Variants in RORA observed in about 807,000 individuals in gnomAD.
The protein encoded by RORA is RAR related orphan receptor A.
A neutral mutation model predicts 69.5 loss-of-function variants in RORA; 7 were observed. The ratio of observed to expected loss-of-function variants is 0.10; its 90% CI spans 0.06 to 0.19. RORA has a LOEUF of 0.19. RORA is among the 10% of genes least tolerant of loss of function. The probability of loss-of-function intolerance (pLI) is 1.00; values close to 1 mark genes in which losing one functional copy is unlikely to be tolerated. For missense variants in RORA, 457 were observed against 663.0 expected, an observed-to-expected ratio of 0.69 and a Z score of 3.41; for synonymous variants, 261 against 240.8, an observed-to-expected ratio of 1.08 and a Z score of -0.78.
chr15:60,596,413 G>C (rs2068667077), intron 2 of RORA, among the ~76,000 whole-genome samples: 1 of 152,024 alleles, frequency 6.6e-6, no homozygotes, highest in South Asian at 2.1e-4. Flanking sequence ...TGATTCAATG[G>C]AATCCTTAGC....
chr15:60,743,820 A>G (rs1251456817), intron 1 of RORA, among the ~76,000 whole-genome samples: 1 of 152,188 alleles, frequency 6.6e-6, no homozygotes, highest in East Asian at 1.9e-4. Context: ...GGAAAAAGTG[A>G]TTTACAGCTT....
intron 1 of RORA, among the ~76,000 whole-genome samples, chr15:60,815,682 C>T (rs1311102014): frequency 2.0e-5 from 3 of 151,556 alleles, no homozygotes; most frequent in African/African-American, 7.3e-5. Context: ...TTACTTCCAC[C>T]GGCTCCCCTT....
chr15:61,035,984 A>G (rs1462062845), intron 1 of RORA, among the ~76,000 whole-genome samples: 1 of 152,220 alleles, frequency 6.6e-6, no homozygotes, highest in Non-Finnish European at 1.5e-5. Flanking sequence ...TGCTGCAGTC[A>G]GTGGAATGAG....
chr15:60,705,996 G>C (rs941244562), intron 1 of RORA, among the ~76,000 whole-genome samples: 2 of 152,162 alleles, frequency 1.3e-5, no homozygotes, highest in African/African-American at 4.8e-5. Flanking sequence ...GGCACCATCA[G>C]CATGTCTCAG....
intron 1 of RORA, among the ~76,000 whole-genome samples, chr15:60,742,232 A>G (rs1337780412): frequency 2.6e-5 from 4 of 152,312 alleles, no homozygotes; most frequent in South Asian, 4.1e-4. Flanking sequence ...AAAAGTGAAA[A>G]TAACTTCAAT....
At chr15:60,794,343 A>G (rs895276860) in intron 1 of RORA, among the ~76,000 whole-genome samples, 3 of 152,170 alleles carry the variant, frequency 2.0e-5, no homozygotes, top group African/African-American at 7.2e-5. Context: ...TCCATGTTTA[A>G]TCTTCCTTTT....
intron 2 of RORA, among the ~76,000 whole-genome samples, chr15:60,566,006 G>T (rs2067702776): frequency 6.6e-6 from 1 of 152,158 alleles, no homozygotes. Flanking sequence ...TAATAACAGA[G>T]ACCTATAATT....
At chr15:60,873,265 GTGTGTGTGTGT>G (rs2073578464) in intron 1 of RORA, among the ~76,000 whole-genome samples, 1 of 150,564 alleles carries the variant, frequency 6.6e-6, no homozygotes, top group Non-Finnish European at 1.5e-5. Flanking sequence ...GTGTGTGTCT[GTGTGTGTGTGT>G]CTGTGTGTGT....
chr15:61,153,546 G>C (rs565016373), intron 1 of RORA, among the ~76,000 whole-genome samples: 2 of 152,194 alleles, frequency 1.3e-5, no homozygotes, highest in Admixed American at 1.3e-4. Context: ...TCTGATGGCT[G>C]TTAACGGGCT....
chr15:60,995,663 T>A (rs1215583708), intron 1 of RORA, among the ~76,000 whole-genome samples: 1 of 152,210 alleles, frequency 6.6e-6, no homozygotes, highest in East Asian at 1.9e-4. Context: ...CCTTTTCAAA[T>A]CACTGCATTG....
At chr15:61,211,097 A>G (rs890723632) in intron 1 of RORA, among the ~76,000 whole-genome samples, 3 of 152,144 alleles carry the variant, frequency 2.0e-5, no homozygotes, top group Non-Finnish European at 4.4e-5. Flanking sequence ...GTTTTTCTTC[A>G]GGGCTCAATT....
chr15:60,551,202 T>C (rs911005567), intron 2 of RORA, among the ~76,000 whole-genome samples: 5 of 152,076 alleles, frequency 3.3e-5, no homozygotes, highest in Non-Finnish European at 7.4e-5. Flanking sequence ...CTGGTGAGAG[T>C]GAGTAACGTC....
chr15:60,546,947 T>G (rs562717284), intron 2 of RORA, among the ~76,000 whole-genome samples: 76 of 152,300 alleles, frequency 5.0e-4, no homozygotes, highest in Non-Finnish European at 9.4e-4. Flanking sequence ...CCACACTCAC[T>G]GCTTGCGTAG....
chr15:60,900,157 A>G (rs1287250134), intron 1 of RORA, among the ~76,000 whole-genome samples: 1 of 152,216 alleles, frequency 6.6e-6, no homozygotes, highest in African/African-American at 2.4e-5. Flanking sequence ...TTAAGTACAA[A>G]CTACAAAGTC....
chr15:61,141,213 T>C (rs1469685672), intron 1 of RORA, among the ~76,000 whole-genome samples: 2 of 152,264 alleles, frequency 1.3e-5, no homozygotes, highest in Admixed American at 1.3e-4. Flanking sequence ...CTGGGGTTAA[T>C]GCAATATCCC....
chr15:60,883,180 G>GAGAA (rs1555459960), intron 1 of RORA, among the ~76,000 whole-genome samples: 2,356 of 113,702 alleles, frequency 0.021, 90 homozygotes, highest in African/African-American at 0.064. Flanking sequence ...GAGAGAGAGA[G>GAGAA]AGAAAGAAAG....
intron 1 of RORA, among the ~76,000 whole-genome samples, chr15:60,976,888 T>C (rs1482142133): frequency 6.6e-6 from 1 of 152,086 alleles, no homozygotes; most frequent in Non-Finnish European, 1.5e-5. Context: ...TTTGAAATAA[T>C]CCTCGCTCGC....
intron 1 of RORA, among the ~76,000 whole-genome samples, chr15:60,839,624 G>C (rs925058885): frequency 6.6e-6 from 1 of 152,178 alleles, no homozygotes; most frequent in Non-Finnish European, 1.5e-5. Context: ...ACGTGGCAGA[G>C]AGGAACCAGG....
At chr15:60,639,262 A>G (rs1353558665) in intron 2 of RORA, among the ~76,000 whole-genome samples, 1 of 149,470 alleles carries the variant, frequency 6.7e-6, no homozygotes, top group Non-Finnish European at 1.5e-5. Context: ...GAAAAGAAAT[A>G]AAAACCAAGT....
Sources: gnomAD v4.1 joint callset for allele counts (sites outside exome capture counted in the v4.1 genomes callset) on GRCh38, gnomAD v4.1.1 for gene constraint, MANE v1.5 for transcripts, NCBI Gene and HGNC (gene_info 2026-07-23, HGNC 2026-07-21) for gene names.